TMEM132B: variants seen among roughly 807,000 people sequenced by gnomAD.
TMEM132B encodes the protein transmembrane protein 132B.
Under a neutral mutation model 90.8 loss-of-function variants are expected in TMEM132B, and 18 were observed. That is an observed-to-expected ratio of 0.20 (90% CI 0.14 to 0.29). The LOEUF (loss-of-function observed/expected upper bound fraction) is 0.29. TMEM132B is among the 10% of genes least tolerant of loss of function. TMEM132B has a pLI of 1.00. For synonymous variants in TMEM132B, 504 were observed against 523.3 expected, an observed-to-expected ratio of 0.96 and a Z score of 0.50; for missense variants, 1,096 against 1,326.8, an observed-to-expected ratio of 0.83 and a Z score of 2.70.
At chr12:125,526,121 A>G (rs1328323225) in intron 4 of TMEM132B, among the ~76,000 whole-genome samples, 1 of 152,146 alleles carries the variant, frequency 6.6e-6, no homozygotes, top group African/African-American at 2.4e-5. Context: ...CCAGTGTCAC[A>G]GGCTGCCCAG....
chr12:125,315,381 T>C (rs912866383), intron 1 of TMEM132B, among the ~76,000 whole-genome samples: 1 of 152,188 alleles, frequency 6.6e-6, no homozygotes. Context: ...GTATTTTTAG[T>C]AGAGACGGGG....
At chr12:125,431,988 G>A (rs1400911408) in intron 3 of TMEM132B, among the ~76,000 whole-genome samples, 1 of 152,100 alleles carries the variant, frequency 6.6e-6, no homozygotes, top group East Asian at 1.9e-4. Context: ...GTGTGAAATA[G>A]GGGGCCGTGT....
intron 1 of TMEM132B, among the ~76,000 whole-genome samples, chr12:125,243,521 G>C (rs2136095159): frequency 6.6e-6 from 1 of 152,236 alleles, no homozygotes; most frequent in South Asian, 2.1e-4. Flanking sequence ...GGCCAGGCTG[G>C]TCTCGAACTC....
intron 4 of TMEM132B, among the ~76,000 whole-genome samples, chr12:125,530,122 G>A (rs1200759635): frequency 6.6e-6 from 1 of 152,084 alleles, no homozygotes; most frequent in Non-Finnish European, 1.5e-5. Flanking sequence ...ATTATGTTGA[G>A]TGTAATATTC....
intron 4 of TMEM132B, among the ~76,000 whole-genome samples, chr12:125,545,078 G>A (rs900905418): frequency 1.3e-5 from 2 of 152,182 alleles, no homozygotes; most frequent in African/African-American, 2.4e-5. Context: ...TGACCTCCAG[G>A]TCTGTGGGGG....
rs1266397018 is a variant in TMEM132B, at chr12:125,406,445, T to C, written c.960-9086T>C. 6.6e-6 allele frequency among the ~76,000 whole-genome samples: 1 copy of C among 152,174 alleles called. No homozygotes were observed. ...AGTTCTTTTTCTACTGTGAAATGGG[T>C]ACCGGGGAAAGGTGAGCCACAGTCT... is the stretch of plus-strand genomic sequence containing the variant. On this transcript the variant is annotated intron_variant, in intron 2 of 8. Coordinates refer to ENST00000682704, the MANE Select transcript of TMEM132B (RefSeq NM_001366854.1). The surrounding 1 kb of genome is among the most constrained non-coding windows in gnomAD (Gnocchi z 8.3).
intron 5 of TMEM132B, among the ~76,000 whole-genome samples, chr12:125,596,157 T>C (rs1343644770): frequency 6.6e-6 from 1 of 152,144 alleles, no homozygotes; most frequent in Non-Finnish European, 1.5e-5. Context: ...TCAGGGGGTT[T>C]AGAATGAGCA....
At chr12:125,314,433 GC>G (rs1187681454) in intron 1 of TMEM132B, among the ~76,000 whole-genome samples, 1 of 152,214 alleles carries the variant, frequency 6.6e-6, no homozygotes, top group Non-Finnish European at 1.5e-5. Flanking sequence ...GCTGCCTTCT[GC>G]CTTGAAGGCG....
At chr12:125,494,447 T>TC (rs1882465214) in intron 3 of TMEM132B, among the ~76,000 whole-genome samples, 1 of 92,718 alleles carries the variant, frequency 1.1e-5, no homozygotes, top group Non-Finnish European at 2.1e-5. Flanking sequence ...GTGTCCCTCC[T>TC]CCCCCTCCTC....
intron 1 of TMEM132B, among the ~76,000 whole-genome samples, chr12:125,215,994 C>T (rs2136069292): frequency 6.6e-6 from 1 of 152,362 alleles, no homozygotes; most frequent in Non-Finnish European, 1.5e-5. Context: ...CATTATTCTG[C>T]TTACCACAGC....
intron 2 of TMEM132B, among the ~76,000 whole-genome samples, chr12:125,370,845 A>G (rs552828648): frequency 6.6e-6 from 1 of 152,240 alleles, no homozygotes; most frequent in Non-Finnish European, 1.5e-5. Context: ...TGACTGGTGT[A>G]TTAGGGTTCT....
At chr12:125,518,623 G>A (rs561691444) in intron 3 of TMEM132B, among the ~76,000 whole-genome samples, 2 of 152,226 alleles carry the variant, frequency 1.3e-5, no homozygotes, top group African/African-American at 4.8e-5. Flanking sequence ...CTGTCAATGC[G>A]ATAGCCTGCA....
Position 125,533,140 on chromosome 12 carries a change from A to C in TMEM132B, c.1293+13515A>C, listed in dbSNP as rs1397081059. Among the ~76,000 whole-genome samples the C allele has an allele frequency of 5.3e-5, 8 of 152,312 alleles. No homozygotes were observed. In the East Asian group the frequency reaches 1.5e-3, roughly 29 times the overall value. ...CTTAAAGCTGTGTGACCTTCAACAC[A>C]GTCCCCCTTACCTATCCTGTAAAAA... On this transcript the variant is annotated intron_variant, in intron 4 of 8. Transcript: ENST00000682704.
chr12:125,303,739 C>T (rs886737620), intron 1 of TMEM132B, among the ~76,000 whole-genome samples: 4 of 152,112 alleles, frequency 2.6e-5, no homozygotes, highest in East Asian at 1.9e-4. Flanking sequence ...TGAATAATGA[C>T]GTTGAGAATT....
rs144164790 is a variant in TMEM132B at position 125,238,364 on chromosome 12, ACC to A, written c.67+51499_67+51500del. Among the ~76,000 whole-genome samples, 784 of 127,808 alleles carry A rather than the reference ACC, an allele frequency of 6.1e-3. 8 individuals carry two copies. Among genetic ancestry groups the A allele is most frequent in the Middle Eastern group, 0.016 (4 of 244 alleles). 83.8% of individuals were successfully genotyped at this position (127,808 alleles called of 152,430 possible). ...CAAGACTCCGTCTCAAAAAAAAAAA[ACC>A]AAAAAAAAAACAAAAAAAAACCAAA... On this transcript the variant is annotated intron_variant, in intron 1 of 8. Transcript: ENST00000682704.
At chr12:125,646,449 C>T (rs760363198) in intron 6 of TMEM132B, among the ~76,000 whole-genome samples, 30 of 152,320 alleles carry the variant, frequency 2.0e-4, no homozygotes, top group Middle Eastern at 3.4e-3. Context: ...AGGTGGATCT[C>T]GAAAACCCTT....
intron 4 of TMEM132B, among the ~76,000 whole-genome samples, chr12:125,522,839 A>T (rs541528459): frequency 6.6e-6 from 1 of 152,346 alleles, no homozygotes; most frequent in Admixed American, 6.5e-5. Context: ...TTCTACTGAC[A>T]AAGCCTAATA....
At chr12:125,590,299 G>A (rs981105346) in intron 5 of TMEM132B, among the ~76,000 whole-genome samples, 1 of 152,128 alleles carries the variant, frequency 6.6e-6, no homozygotes, top group South Asian at 2.1e-4. Flanking sequence ...TTGATTGTAA[G>A]GTCCACAATA....
chr12:125,271,730 T>A (rs924755765), intron 1 of TMEM132B, among the ~76,000 whole-genome samples: 4 of 152,096 alleles, frequency 2.6e-5, no homozygotes, highest in South Asian at 2.1e-4. Context: ...TTGGTTTTTT[T>A]AATATATTAC....
Sources: allele counts gnomAD v4.1 joint callset (sites outside exome capture counted in the v4.1 genomes callset), GRCh38; gene constraint gnomAD v4.1.1; non-coding constraint Gnocchi (gnomAD v3.1); transcripts MANE v1.5; gene names NCBI Gene and HGNC (gene_info 2026-07-23, HGNC 2026-07-21).